Variants in INSC observed in about 807,000 individuals in gnomAD.
The protein encoded by INSC is INSC spindle orientation adaptor protein.
In INSC, 67 loss-of-function variants were observed where a neutral mutation model predicts 58.6. The ratio of observed to expected loss-of-function variants is 1.14; its 90% CI spans 0.94 to 1.40. The LOEUF (loss-of-function observed/expected upper bound fraction) is 1.40, where lower values mean the gene tolerates loss of function less well. Ranked by LOEUF, INSC falls within the 40% of genes most tolerant of loss-of-function variation. INSC has a pLI of 0.00. For synonymous variants in INSC, 262 were observed against 276.1 expected, an observed-to-expected ratio of 0.95 and a Z score of 0.51; for missense variants, 714 against 692.0, an observed-to-expected ratio of 1.03 and a Z score of -0.36.
intron 12 of INSC, chr11:15,241,584 G>A (rs1852357554): frequency 2.8e-6 from 2 of 702,948 alleles, no homozygotes; most frequent in Non-Finnish European, 5.2e-6. Flanking sequence ...GGATACAGCT[G>A]CAGGTAAAAA....
intron 10 of INSC, 22 bp from the exon 11 acceptor site, chr11:15,238,897 C>T (rs1564922921): frequency 6.2e-7 from 1 of 1,609,738 alleles, no homozygotes; most frequent in Non-Finnish European, 8.5e-7. Flanking sequence ...TAGGTACCAA[C>T]TGTTCCTTGC....
At chr11:15,145,878 G>A (rs956742186) in intron 1 of INSC, among the ~76,000 whole-genome samples, 1 of 152,146 alleles carries the variant, frequency 6.6e-6, no homozygotes, top group African/African-American at 2.4e-5. Context: ...GGCCTCCTGG[G>A]GTTGGGTGTT....
chr11:15,264,961 G>A, the INSC span, among the ~76,000 whole-genome samples: 3 of 152,026 alleles, frequency 2.0e-5, no homozygotes, highest in African/African-American at 7.2e-5. Flanking sequence ...TACATTAGCA[G>A]TAACTAAGAG....
At chr11:15,212,689 T>C (rs1389431623) in intron 7 of INSC, among the ~76,000 whole-genome samples, 1 of 152,258 alleles carries the variant, frequency 6.6e-6, no homozygotes, top group African/African-American at 2.4e-5. Context: ...TTTGATATTG[T>C]ATCCAGTAAT....
At chr11:15,132,789 T>A (rs887346972) in intron 1 of INSC, among the ~76,000 whole-genome samples, 1 of 152,228 alleles carries the variant, frequency 6.6e-6, no homozygotes, top group Non-Finnish European at 1.5e-5. Context: ...TGAAAGATAA[T>A]TTCTATGGAT....
the INSC span, among the ~76,000 whole-genome samples, chr11:15,260,239 C>T: frequency 6.6e-6 from 1 of 152,174 alleles, no homozygotes; most frequent in Admixed American, 6.5e-5. Context: ...TCCCTGGACA[C>T]AGGATAGTGG....
downstream of INSC, among the ~76,000 whole-genome samples, chr11:15,249,956 G>A (rs1377710451): frequency 6.6e-6 from 1 of 152,166 alleles, no homozygotes; most frequent in Non-Finnish European, 1.5e-5. Context: ...TGGAATGGGG[G>A]GTGGCTGATT....
intron 9 of INSC, among the ~76,000 whole-genome samples, chr11:15,229,801 T>G (rs1232587926): frequency 1.3e-5 from 2 of 149,828 alleles, no homozygotes; most frequent in Non-Finnish European, 3.0e-5. Flanking sequence ...ATGCCTGATG[T>G]AATCCCAGTA....
In INSC at chr11:15,246,601, C is replaced by T. The variant is rs529301995; in HGVS notation, c.*561C>T. 2.0e-5 allele frequency: 3 copies of T among 152,696 alleles called. No individual in the cohort carries two copies. The highest frequency in any genetic ancestry group is 3.9e-4 in the East Asian group (2 of 5,190). The allele number at this position is 152,696 out of a possible 1,614,324, so 9.5% of individuals were successfully genotyped here. A position where few individuals can be genotyped will look rare whatever the true frequency, so the allele number is the denominator to read the frequency against. ...AGGTTTCATTCCCCAAAAACTTTTC[C>T]AACCATTAAAAGTACACACAGAATT... is the stretch of plus-strand genomic sequence containing the variant. On this transcript the variant is annotated 3_prime_UTR_variant, in exon 13 of 13. Transcript: ENST00000379556.
chr11:15,118,561 G>A (rs1263917792), intron 1 of INSC, among the ~76,000 whole-genome samples: 2 of 152,212 alleles, frequency 1.3e-5, no homozygotes, highest in African/African-American at 2.4e-5. Context: ...TGATCACAAG[G>A]TAGGAAAGAG....
chr11:15,257,020 C>T, the INSC span, among the ~76,000 whole-genome samples: 1 of 152,278 alleles, frequency 6.6e-6, no homozygotes, highest in East Asian at 1.9e-4. Context: ...ATTAAAATGT[C>T]TTATTTCTCT....
chr11:15,150,982 C>A (rs1263559988), intron 2 of INSC, among the ~76,000 whole-genome samples: 2 of 152,102 alleles, frequency 1.3e-5, no homozygotes, highest in Non-Finnish European at 2.9e-5. Context: ...GTGACAGCTG[C>A]TTTAAAGGGT....
chr11:15,256,090 G>A, the INSC span, among the ~76,000 whole-genome samples: 1 of 152,278 alleles, frequency 6.6e-6, no homozygotes, highest in African/African-American at 2.4e-5. Flanking sequence ...GCTGGAGCAT[G>A]GGAGTCCCAC....
At chr11:15,206,504 C>T (rs1005962303) in intron 7 of INSC, among the ~76,000 whole-genome samples, 2 of 152,110 alleles carry the variant, frequency 1.3e-5, no homozygotes, top group Non-Finnish European at 2.9e-5. Context: ...TTCTCTGGAC[C>T]TCACTTGGGA....
At chr11:15,213,030 C>T (rs928373685) in intron 7 of INSC, among the ~76,000 whole-genome samples, 1 of 152,152 alleles carries the variant, frequency 6.6e-6, no homozygotes, top group Non-Finnish European at 1.5e-5. Flanking sequence ...ACCAAGTCAG[C>T]AAGGAGCCCA....
chr11:15,218,566 A>C (rs79477903), intron 7 of INSC, among the ~76,000 whole-genome samples: 3,250 of 152,116 alleles, frequency 0.021, 103 homozygotes, highest in African/African-American at 0.061. Context: ...CTCTCTCTAT[A>C]TATATATATG....
intron 7 of INSC, among the ~76,000 whole-genome samples, chr11:15,216,547 A>T (rs2133919169): frequency 6.6e-6 from 1 of 152,302 alleles, no homozygotes; most frequent in South Asian, 2.1e-4. Context: ...TTATTGAACT[A>T]TAGAAATGCA....
chr11:15,137,615 T>A (rs1014259255), intron 1 of INSC, among the ~76,000 whole-genome samples: 3 of 152,188 alleles, frequency 2.0e-5, no homozygotes, highest in African/African-American at 7.2e-5. Context: ...TGAACCAACC[T>A]CTGCTAGCTT....
At chr11:15,163,312 C>A (rs1035815625) in intron 2 of INSC, among the ~76,000 whole-genome samples, 1 of 152,174 alleles carries the variant, frequency 6.6e-6, no homozygotes, top group Non-Finnish European at 1.5e-5. Context: ...TCCCTCCCTG[C>A]CTCCCTGCCT....
Sources: allele counts gnomAD v4.1 joint callset (sites outside exome capture counted in the v4.1 genomes callset), GRCh38; gene constraint gnomAD v4.1.1; transcripts MANE v1.5; gene names NCBI Gene and HGNC (gene_info 2026-07-23, HGNC 2026-07-21).